THRAP3: variants seen among roughly 807,000 people sequenced by gnomAD.
THRAP3 encodes the protein thyroid hormone receptor associated protein 3, also known as thyroid hormone receptor-associated protein 3.
A neutral mutation model predicts 101.0 loss-of-function variants in THRAP3; 16 were observed. The observed-to-expected ratio is 0.16, with a 90% CI of 0.11 to 0.24. THRAP3 has a LOEUF of 0.24. Among genes scored for constraint, THRAP3 ranks in the 10% least tolerant of loss-of-function variants. The pLI, the probability that THRAP3 is intolerant of heterozygous loss-of-function variation, is 1.00. For synonymous variants in THRAP3, 407 were observed against 422.6 expected (o/e 0.96, Z 0.45); for missense variants, 989 against 1,202.7 (o/e 0.82, Z 2.63).
At chr1:36,266,925 G>T (rs1645522197) in intron 2 of THRAP3, among the ~76,000 whole-genome samples, 1 of 151,756 alleles carries the variant, frequency 6.6e-6, no homozygotes, top group Non-Finnish European at 1.5e-5. Context: ...TTGTTGGCCA[G>T]GCTGGAGTGC....
At chr1:36,272,799 A>T (rs1289518361) in intron 2 of THRAP3, among the ~76,000 whole-genome samples, 1 of 152,188 alleles carries the variant, frequency 6.6e-6, no homozygotes, top group African/African-American at 2.4e-5. Context: ...CAAACGTGGC[A>T]CTAGTAAATG....
At chr1:36,275,006 G>T (rs917562339) in intron 2 of THRAP3, among the ~76,000 whole-genome samples, 1 of 148,082 alleles carries the variant, frequency 6.8e-6, no homozygotes, top group Non-Finnish European at 1.5e-5. Context: ...GGGCGCGGTG[G>T]CTCACACCTG....
the THRAP3 span, among the ~76,000 whole-genome samples, chr1:36,217,925 G>T: frequency 6.6e-6 from 1 of 152,114 alleles, no homozygotes; most frequent in East Asian, 1.9e-4. Flanking sequence ...CGCTACAATG[G>T]CCTCTAACTG....
intron 5 of THRAP3, among the ~76,000 whole-genome samples, 171 bp from the exon 6 acceptor site, chr1:36,291,203 T>G (rs1187144596): frequency 3.3e-5 from 5 of 152,192 alleles, no homozygotes; most frequent in Non-Finnish European, 5.9e-5. Context: ...AGAGAGAGAT[T>G]TTGTATATAC....
chr1:36,289,983 A>T (rs1645845274), intron 5 of THRAP3, among the ~76,000 whole-genome samples: 1 of 152,148 alleles, frequency 6.6e-6, no homozygotes, highest in Non-Finnish European at 1.5e-5. Context: ...GTATCTCTTC[A>T]GTCCTTAGTG....
chr1:36,293,026 G>GTTTTTTTTTTTTTTTTTT (rs1557454287), intron 7 of THRAP3, among the ~76,000 whole-genome samples: 2 of 19,688 alleles, frequency 1.0e-4, no homozygotes, highest in Non-Finnish European at 3.1e-4. Context: ...TTCTTTTCTT[G>GTTTTTTTTTTTTTTTTTT]TCTTTTTTTT....
chr1:36,298,300 G>C (rs1208054328), intron 9 of THRAP3, among the ~76,000 whole-genome samples: 1 of 152,096 alleles, frequency 6.6e-6, no homozygotes, highest in African/African-American at 2.4e-5. Context: ...CGAATCCTCA[G>C]CAGGGAATGG....
intron 1 of THRAP3, among the ~76,000 whole-genome samples, chr1:36,243,805 GGC>G (rs1386397443): frequency 6.9e-6 from 1 of 145,340 alleles, no homozygotes; most frequent in African/African-American, 2.5e-5. Context: ...CTCCCGGACG[GGC>G]GGCTGGCCAG....
At chr1:36,302,587 C>T (rs1219980955) in intron 11 of THRAP3, among the ~76,000 whole-genome samples, 1 of 152,124 alleles carries the variant, frequency 6.6e-6, no homozygotes, top group Non-Finnish European at 1.5e-5. Flanking sequence ...GAGAGTATTG[C>T]CAGCCTGATT....
chr1:36,209,863 A>T, the THRAP3 span, among the ~76,000 whole-genome samples: 2 of 152,212 alleles, frequency 1.3e-5, no homozygotes, highest in Admixed American at 1.3e-4. Context: ...CCCAAAGGGG[A>T]CATCCCAACT....
chr1:36,236,532 C>T (rs1645090629), intron 1 of THRAP3, among the ~76,000 whole-genome samples: 1 of 151,792 alleles, frequency 6.6e-6, no homozygotes. Flanking sequence ...CTGAGCTTAA[C>T]TGATCCTCCC....
intron 2 of THRAP3, among the ~76,000 whole-genome samples, chr1:36,272,223 T>G (rs1645601123): frequency 6.6e-6 from 1 of 152,108 alleles, no homozygotes; most frequent in Non-Finnish European, 1.5e-5. Flanking sequence ...AAATGACCAT[T>G]CTCCCCAGAG....
intron 1 of THRAP3, among the ~76,000 whole-genome samples, chr1:36,227,489 T>C (rs995962701): frequency 1.3e-5 from 2 of 151,956 alleles, no homozygotes; most frequent in Admixed American, 6.6e-5. Context: ...TCCATGTTGG[T>C]CAGGCTGGTC....
At chr1:36,236,765 A>G (rs1436776984) in intron 1 of THRAP3, among the ~76,000 whole-genome samples, 3 of 152,258 alleles carry the variant, frequency 2.0e-5, no homozygotes, top group Non-Finnish European at 4.4e-5. Flanking sequence ...CACAATGGAC[A>G]TGTTCAGAAT....
At chr1:36,262,840 C>T (rs924135584) in intron 2 of THRAP3, among the ~76,000 whole-genome samples, 2 of 151,144 alleles carry the variant, frequency 1.3e-5, no homozygotes, top group Non-Finnish European at 2.9e-5. Context: ...GTCTCCCAGG[C>T]TGGAGTGCAG....
intron 1 of THRAP3, among the ~76,000 whole-genome samples, chr1:36,258,865 C>T (rs1201893796): frequency 6.6e-6 from 1 of 152,196 alleles, no homozygotes; most frequent in African/African-American, 2.4e-5. Context: ...CTTGTTTTTC[C>T]TGTTTGTTTT....
intron 1 of THRAP3, among the ~76,000 whole-genome samples, chr1:36,252,864 G>A (rs1645319736): frequency 6.8e-6 from 1 of 147,726 alleles, no homozygotes; most frequent in African/African-American, 2.5e-5. Flanking sequence ...CCAAGACCAT[G>A]CCACTGCACG....
intron 1 of THRAP3, among the ~76,000 whole-genome samples, chr1:36,257,964 C>G (rs1321275715): frequency 6.6e-6 from 1 of 152,170 alleles, no homozygotes; most frequent in African/African-American, 2.4e-5. Flanking sequence ...CCTCAGCCTC[C>G]CGAATAGCTG....
intron 1 of THRAP3, among the ~76,000 whole-genome samples, chr1:36,245,747 C>T (rs946582747): frequency 6.6e-6 from 1 of 152,206 alleles, no homozygotes; most frequent in Non-Finnish European, 1.5e-5. Flanking sequence ...GTAAATGTGT[C>T]TCTCATTCCT....
Sources: gnomAD v4.1 joint callset for allele counts (sites outside exome capture counted in the v4.1 genomes callset) on GRCh38, gnomAD v4.1.1 for gene constraint, MANE v1.5 for transcripts, NCBI Gene and HGNC (gene_info 2026-07-23, HGNC 2026-07-21) for gene names.